The following B4GALNT4 variants were observed in gnomAD, a reference collection of about 807,000 sequenced individuals.
The protein encoded by B4GALNT4 is beta-1,4-N-acetyl-galactosaminyltransferase 4, also known as N-acetyl-beta-glucosaminyl-glycoprotein 4-beta-N-acetylgalactosaminyltransferase 1.
Under a neutral mutation model 110.0 loss-of-function variants are expected in B4GALNT4, and 77 were observed. The observed-to-expected ratio is 0.70, with a 90% CI of 0.58 to 0.85. B4GALNT4 has a LOEUF of 0.85. Among genes scored for constraint, B4GALNT4 ranks in the 40% least tolerant of loss-of-function variants. B4GALNT4 has a pLI of 0.00. For synonymous variants in B4GALNT4, 785 were observed against 655.5 expected (o/e 1.20, Z -3.02); for missense variants, 1,575 against 1,506.0 (o/e 1.05, Z -0.76).
Position 376,666 on chromosome 11 carries a change from C to A in B4GALNT4, c.1543C>A (p.Arg515Ser), listed in dbSNP as rs758692571. The A allele has an allele frequency of 1.8e-5, 25 of 1,428,442 alleles. No individual in the cohort carries two copies. The highest frequency in any genetic ancestry group is 3.0e-5 in the African/African-American group (2 of 66,290). 88.5% of individuals were successfully genotyped at this position (1,428,442 alleles called of 1,614,324 possible). ...CTTCTTGGGCCGAGCTCCGCCCCCG[C>A]GCCCTGCAGTGGAGCAGCCGCCCCC... Reference protein sequence around the residue: ...PLFLGRAPPPRPAVEQPPPKV... With the variant: ...PLFLGRAPPPSPAVEQPPPKV... The change falls in exon 14 of 20, where the codon CGC becomes AGC. Residue 515 changes from arginine to serine, a missense_variant. By Grantham distance (110) the Arg-to-Ser change is moderately radical. Transcript: ENST00000329962.
chr11:377,300 T>C lies in B4GALNT4; in HGVS notation c.2177T>C (p.Met726Thr). Residue 726 changes from methionine to threonine, a missense_variant, in exon 14 of 20, where the codon ATG becomes ACG. Transcript: ENST00000329962. ...GCCGTGGACGTGACCGCTCAGTACA[T>C]GGAGCGGCTGAACGCGCGCCACGGC... ...AEAVDVTAQYMERLNARHGGR... is the reference protein window; with the variant it reads ...AEAVDVTAQYTERLNARHGGR... 6.4e-7 allele frequency: 1 copy of C among 1,564,650 alleles called. No individual in the cohort carries two copies. Among genetic ancestry groups the C allele is most frequent in the Non-Finnish European group, 8.6e-7 (1 of 1,158,402 alleles).
Position 377,555 on chromosome 11 carries a change from G to A in B4GALNT4, c.2204+228G>A, listed in dbSNP as rs571337317. On this transcript the variant is annotated intron_variant, in intron 14 of 19. Coordinates refer to ENST00000329962, the MANE Select transcript of B4GALNT4 (RefSeq NM_178537.5). ...GTCCAGCCTCAGGGACCTCCCTGGA[G>A]CCCCACCCAGGGCTGGCGCCCCATC... 1.4e-3 allele frequency among the ~76,000 whole-genome samples: 208 copies of A among 152,310 alleles called. 1 individual carries two copies. The highest frequency in any genetic ancestry group is 6.8e-3 in the Middle Eastern group (2 of 294).
rs544930898 is a variant in B4GALNT4, at chr11:381,663, C to A, written c.2997-6C>A. 2 of 1,584,210 alleles carry A rather than the reference C, an allele frequency of 1.3e-6. No individual in the cohort carries two copies. The highest frequency in any genetic ancestry group is 1.4e-5 in the African/African-American group (1 of 72,652). On this transcript the variant is annotated splice_polypyrimidine_tract_variant and splice_region_variant and intron_variant, in intron 19 of 19. Transcript: ENST00000329962. ...GTCCTGACCACCTCTCTGCCCCCGGCCCCAGGGTCCTGCAGGCAGGGCTGG... is the reference window on the plus strand; with the variant it reads ...GTCCTGACCACCTCTCTGCCCCCGGACCCAGGGTCCTGCAGGCAGGGCTGG...
At chr11:372,576 G>A (rs1414692740) in intron 2 of B4GALNT4, 86 bp from the exon 3 acceptor site, 2 of 1,145,476 alleles carry the variant, frequency 1.7e-6, no homozygotes, top group Non-Finnish European at 2.6e-6. Flanking sequence ...CATGTTGGAA[G>A]GGGTCTTTGT....
intron 2 of B4GALNT4, 21 bp from the exon 3 acceptor site, chr11:372,641 G>A: frequency 6.2e-7 from 1 of 1,604,792 alleles, no homozygotes; most frequent in Non-Finnish European, 8.5e-7. Context: ...CCCTGACCCT[G>A]TTGCCTTTTC....
At position 382,096 on chromosome 11, in the gene B4GALNT4, G is replaced by T. The variant is rs1564873943; in HGVS notation, c.*304G>T. 4.0e-6 allele frequency: 1 copy of T among 248,050 alleles called. No homozygotes were observed. The highest frequency in any genetic ancestry group is 7.7e-6 in the Non-Finnish European group (1 of 129,280). 15.4% of individuals were successfully genotyped at this position (248,050 alleles called of 1,614,324 possible). On this transcript the variant is annotated 3_prime_UTR_variant, in exon 20 of 20. Coordinates refer to ENST00000329962, the MANE Select transcript of B4GALNT4 (RefSeq NM_178537.5). ...TTCTGTTTTTTATTCAGAATGAAAT[G>T]AAATATTTTTTTTAGTTCTGACTAG...
chr11:380,691 G>T, intron 18 of B4GALNT4, 134 bp from the exon 19 acceptor site: 1 of 1,451,878 alleles, frequency 6.9e-7, no homozygotes. Flanking sequence ...CAGTACCACC[G>T]GACGACTCCC....
At chr11:372,775 A>G (rs372919566) in intron 3 of B4GALNT4, 21 bp downstream of exon 3, 53 of 939,710 alleles carry the variant, frequency 5.6e-5, no homozygotes, top group East Asian at 7.7e-5. Context: ...TCGGCCTGTA[A>G]TGGGCTGGGA....
At chr11:378,964 G>A (rs1451586413) in intron 14 of B4GALNT4, among the ~76,000 whole-genome samples, 1 of 152,162 alleles carries the variant, frequency 6.6e-6, no homozygotes. Flanking sequence ...CAGTGGCTGT[G>A]CCTGAGGAGG....
At chr11:372,337 G>A (rs992431272) in intron 2 of B4GALNT4, 125 bp downstream of exon 2, 1 of 855,044 alleles carries the variant, frequency 1.2e-6, no homozygotes, top group East Asian at 2.7e-5. Context: ...CACAGGACAT[G>A]TGGGGCACGG....
intron 1 of B4GALNT4, among the ~76,000 whole-genome samples, chr11:370,260 G>A (rs1312495957): frequency 2.0e-5 from 3 of 152,212 alleles, no homozygotes; most frequent in Non-Finnish European, 4.4e-5. Context: ...GCTTGGATCC[G>A]GTAGTGAGGG....
Position 375,703 on chromosome 11 carries a change from G to A in B4GALNT4, c.915G>A (p.Gly305=). The A allele has an allele frequency of 6.3e-7, 1 of 1,594,474 alleles. No homozygotes were observed. Among genetic ancestry groups the A allele is most frequent in the Non-Finnish European group, 8.5e-7 (1 of 1,175,042 alleles). Residue 305 remains glycine, a synonymous_variant, in exon 10 of 20, where the codon GGG becomes GGA. Transcript: ENST00000329962. The stretch of plus-strand genomic sequence containing the variant: ...CCCAGTCTCCAGCCAGCCACGTGGG[G>A]GGGCGTCCGCCGCAGGAGGAGACCA... ...HVPQSPASHV[G]GRPPQEETSA... is the part of the protein sequence containing the mutation.
chr11:374,299 T>G (rs750225951), intron 8 of B4GALNT4, among the ~76,000 whole-genome samples: 2 of 151,522 alleles, frequency 1.3e-5, no homozygotes, highest in Non-Finnish European at 2.9e-5. Context: ...GGGGGAAGGA[T>G]TTTTACTGTG....
Position 376,589 on chromosome 11 carries a change from G to C in B4GALNT4, c.1466G>C (p.Arg489Thr). ...CGCCCCCGGGACGGGGGGACCCCCAGGCACTCCCGGGCCCTGAGCTGGGCC... is the reference window on the plus strand; with the variant it reads ...CGCCCCCGGGACGGGGGGACCCCCACGCACTCCCGGGCCCTGAGCTGGGCC... The part of the protein sequence containing the change: ...PPRPRDGGTP[R>T]HSRALSWAAR... Residue 489 changes from arginine to threonine, a missense_variant, in exon 14 of 20, where the codon AGG becomes ACG. Physicochemically the swap from Arg to Thr is moderately conservative, Grantham distance 71. Transcript: ENST00000329962. 1.5e-6 allele frequency: 2 copies of C among 1,335,430 alleles called. No individual in the cohort carries two copies. The highest frequency in any genetic ancestry group is 1.9e-6 in the Non-Finnish European group (2 of 1,050,256). 82.7% of individuals were successfully genotyped at this position (1,335,430 alleles called of 1,614,324 possible).
chr11:379,299 G>A (rs1846822167), intron 14 of B4GALNT4, 119 bp from the exon 15 acceptor site: 2 of 1,164,000 alleles, frequency 1.7e-6, no homozygotes. Context: ...GCTGTGCCGC[G>A]GAGCCCGCAG....
Position 380,860 on chromosome 11 carries a change from A to T in B4GALNT4, c.2905A>T (p.Ile969Phe), listed in dbSNP as rs776849583. The change falls in exon 19 of 20, where the codon ATC becomes TTC. Residue 969 changes from isoleucine to phenylalanine, a missense_variant. Ile to Phe is a conservative substitution (Grantham distance 21). Transcript: ENST00000329962. ...WEVNGFGLFG[I>F]YKSDFDRVGG... ...GGTGAACGGCTTTGGCCTTTTTGGGATCTACAAGTCGGACTTTGACCGGGT... is the reference window on the plus strand; with the variant it reads ...GGTGAACGGCTTTGGCCTTTTTGGGTTCTACAAGTCGGACTTTGACCGGGT... The T allele has an allele frequency of 1.4e-5, 23 of 1,613,642 alleles. No homozygotes were observed. Among genetic ancestry groups the T allele is most frequent in the Non-Finnish European group, 1.5e-5 (18 of 1,179,816 alleles).
chr11:373,902 G>T, intron 8 of B4GALNT4, 74 bp downstream of exon 8: 1 of 1,467,478 alleles, frequency 6.8e-7, no homozygotes, highest in East Asian at 2.3e-5. Context: ...ACCGCAATGG[G>T]GTCCCCGTCC....
At chr11:371,355 C>T (rs1277393861) in intron 1 of B4GALNT4, among the ~76,000 whole-genome samples, 1 of 152,186 alleles carries the variant, frequency 6.6e-6, no homozygotes, top group African/African-American at 2.4e-5. Context: ...TGCCTCCCCA[C>T]AAGCCTGGGC....
Position 369,786 on chromosome 11 carries a change from G to A in B4GALNT4, c.-18G>A, listed in dbSNP as rs960001675. On this transcript the variant is annotated 5_prime_UTR_variant, in exon 1 of 20. Transcript: ENST00000329962. ...GCGGCGCCGCTGAGCGCGGCCTGGG[G>A]CGGGCGCGGCGGCCGCGATGCCGCG... The A allele has an allele frequency of 1.3e-5, 13 of 977,334 alleles. No homozygotes were observed. Among genetic ancestry groups the A allele is most frequent in the Non-Finnish European group, 1.6e-5 (13 of 825,788 alleles). The allele number at this position is 977,334 out of a possible 1,614,324, so 60.5% of individuals were successfully genotyped here. A position where few individuals can be genotyped will look rare whatever the true frequency, so the allele number is the denominator to read the frequency against.
Sources: gnomAD v4.1 joint callset for allele counts (sites outside exome capture counted in the v4.1 genomes callset) on GRCh38, gnomAD v4.1.1 for gene constraint, MANE v1.5 for transcripts, NCBI Gene and HGNC (gene_info 2026-07-23, HGNC 2026-07-21) for gene names.